The following CCDC91 variants were observed in gnomAD, a reference collection of about 807,000 sequenced individuals.
The protein encoded by CCDC91 is coiled-coil domain containing 91.
A neutral mutation model predicts 63.2 loss-of-function variants in CCDC91; 48 were observed. That is an observed-to-expected ratio of 0.76 (90% CI 0.60 to 0.97). CCDC91 has a LOEUF of 0.97. CCDC91 is among the 50% of genes least tolerant of loss of function. The pLI is 0.00. For synonymous variants in CCDC91, 167 were observed against 165.8 expected (o/e 1.01, Z -0.06); for missense variants, 500 against 494.6 (o/e 1.01, Z -0.10).
At chr12:28,267,802 A>AT (rs1455711425) in intron 3 of CCDC91, among the ~76,000 whole-genome samples, 2,784 of 33,638 alleles carry the variant, frequency 0.083, 331 homozygotes, top group Non-Finnish European at 0.11. Context: ...ATATAATTAT[A>AT]TAGTAATATA....
At chr12:28,396,869 A>G (rs949996886) in intron 8 of CCDC91, among the ~76,000 whole-genome samples, 3 of 152,080 alleles carry the variant, frequency 2.0e-5, no homozygotes, top group Non-Finnish European at 2.9e-5. Context: ...TGTTGAGTTT[A>G]TATTGCCTGT....
intron 7 of CCDC91, among the ~76,000 whole-genome samples, chr12:28,371,593 T>G (rs1944625963): frequency 1.3e-5 from 2 of 152,248 alleles, no homozygotes; most frequent in South Asian, 4.1e-4. Flanking sequence ...ACAATTGCTT[T>G]TTAAATCAGT....
At chr12:28,501,416 AG>A (rs1937845180) in intron 12 of CCDC91, among the ~76,000 whole-genome samples, 1 of 152,048 alleles carries the variant, frequency 6.6e-6, no homozygotes, top group South Asian at 2.1e-4. Flanking sequence ...TTTAGCATGA[AG>A]GGTTGTTGAA....
chr12:28,331,869 G>C (rs572886515), intron 6 of CCDC91, among the ~76,000 whole-genome samples: 2 of 151,980 alleles, frequency 1.3e-5, no homozygotes, highest in African/African-American at 4.8e-5. Flanking sequence ...TATAAGAAAT[G>C]GTTCCTACTC....
intron 8 of CCDC91, among the ~76,000 whole-genome samples, chr12:28,419,910 C>G (rs1016756361): frequency 4.6e-5 from 7 of 151,950 alleles, no homozygotes; most frequent in African/African-American, 1.7e-4. Flanking sequence ...GCACATGGCA[C>G]CACACCTGGC....
intron 12 of CCDC91, among the ~76,000 whole-genome samples, chr12:28,538,122 T>C (rs1321541370): frequency 2.2e-5 from 3 of 134,536 alleles, no homozygotes; most frequent in African/African-American, 7.5e-5. Flanking sequence ...TTTTAGGGTT[T>C]TTTTTTAAGT....
At chr12:28,336,148 G>T (rs919873675) in intron 6 of CCDC91, among the ~76,000 whole-genome samples, 4 of 151,634 alleles carry the variant, frequency 2.6e-5, no homozygotes, top group Non-Finnish European at 5.9e-5. Context: ...AAAATAAACA[G>T]GCAACTCCTA....
chr12:28,203,901 C>T (rs1173105932), intron 1 of CCDC91, among the ~76,000 whole-genome samples: 1 of 152,016 alleles, frequency 6.6e-6, no homozygotes, highest in Non-Finnish European at 1.5e-5. Context: ...TATTATTAAA[C>T]ACTGTGTGCT....
chr12:28,401,121 A>G (rs542212710), intron 8 of CCDC91, among the ~76,000 whole-genome samples: 1 of 152,250 alleles, frequency 6.6e-6, no homozygotes, highest in Non-Finnish European at 1.5e-5. Context: ...TCTCTGTGGT[A>G]CCAATTTACA....
At chr12:28,456,002 G>T (rs532672298) in intron 11 of CCDC91, among the ~76,000 whole-genome samples, 1 of 152,156 alleles carries the variant, frequency 6.6e-6, no homozygotes, top group South Asian at 2.1e-4. Flanking sequence ...CTTGTATTTT[G>T]CCACTACTCT....
At chr12:28,253,581 A>T (rs1371921418) in intron 1 of CCDC91, among the ~76,000 whole-genome samples, 1 of 152,122 alleles carries the variant, frequency 6.6e-6, no homozygotes, top group Non-Finnish European at 1.5e-5. Context: ...GGATTCTCTT[A>T]TGTATTCATA....
chr12:28,257,557 T>A (rs1946534550), intron 2 of CCDC91, among the ~76,000 whole-genome samples: 1 of 152,134 alleles, frequency 6.6e-6, no homozygotes, highest in Non-Finnish European at 1.5e-5. Context: ...TTGGGATACA[T>A]GTCTGTTAGG....
At chr12:28,381,916 G>C (rs1945320033) in intron 7 of CCDC91, among the ~76,000 whole-genome samples, 1 of 152,008 alleles carries the variant, frequency 6.6e-6, no homozygotes, top group Non-Finnish European at 1.5e-5. Flanking sequence ...GGGGACCTCT[G>C]GCCCTGTATC....
intron 3 of CCDC91, among the ~76,000 whole-genome samples, chr12:28,276,156 TA>T (rs1948207881): frequency 6.6e-6 from 1 of 152,118 alleles, no homozygotes; most frequent in Non-Finnish European, 1.5e-5. Context: ...ATTCCTTGAT[TA>T]TTTTTAAAGA....
At chr12:28,364,800 G>A (rs1944166863) in intron 7 of CCDC91, among the ~76,000 whole-genome samples, 2 of 152,158 alleles carry the variant, frequency 1.3e-5, no homozygotes, top group South Asian at 4.1e-4. Flanking sequence ...GTTCTGTAAT[G>A]TACCACAAAC....
intron 11 of CCDC91, among the ~76,000 whole-genome samples, chr12:28,459,879 A>AT (rs1316238048): frequency 6.6e-6 from 1 of 152,210 alleles, no homozygotes; most frequent in Non-Finnish European, 1.5e-5. Context: ...CAGAATGAGA[A>AT]TGTCTTAGAC....
chr12:28,482,931 T>A (rs1951523569), intron 11 of CCDC91, among the ~76,000 whole-genome samples: 1 of 151,964 alleles, frequency 6.6e-6, no homozygotes, highest in South Asian at 2.1e-4. Context: ...GGAAATCATA[T>A]TATAGAAGAA....
intron 3 of CCDC91, among the ~76,000 whole-genome samples, chr12:28,303,185 A>G (rs986537586): frequency 2.6e-5 from 4 of 152,154 alleles, no homozygotes; most frequent in Non-Finnish European, 5.9e-5. Flanking sequence ...AGTATCTTAA[A>G]TAACAGATCC....
chr12:28,220,115 A>C (rs879468449), intron 1 of CCDC91, among the ~76,000 whole-genome samples: 1 of 152,042 alleles, frequency 6.6e-6, no homozygotes, highest in Non-Finnish European at 1.5e-5. Flanking sequence ...TTATCATTAC[A>C]TGGTTGAGTT....
Sources: allele counts gnomAD v4.1 joint callset (sites outside exome capture counted in the v4.1 genomes callset), GRCh38; gene constraint gnomAD v4.1.1; transcripts MANE v1.5; gene names NCBI Gene and HGNC (gene_info 2026-07-23, HGNC 2026-07-21).